Variants in MTOR observed in about 807,000 individuals in gnomAD.
MTOR encodes the protein mechanistic target of rapamycin kinase, also known as serine/threonine-protein kinase mTOR.
In MTOR, 70 loss-of-function variants were observed where a neutral mutation model predicts 319.8. That is an observed-to-expected ratio of 0.22 (90% CI 0.18 to 0.27). The LOEUF is 0.27. MTOR is among the 10% of genes least tolerant of loss of function. The probability of loss-of-function intolerance (pLI) is 1.00; values close to 1 mark genes in which losing one functional copy is unlikely to be tolerated. For synonymous variants in MTOR, 1,183 were observed against 1,211.4 expected, an observed-to-expected ratio of 0.98 and a Z score of 0.49; for missense variants, 1,890 against 3,274.4, an observed-to-expected ratio of 0.58 and a Z score of 10.32.
Position 11,199,440 on chromosome 1 carries a change from G to C in MTOR, c.4108-37C>G, listed in dbSNP as rs1459700856. On this transcript the variant is annotated intron_variant, in intron 27 of 57. Coordinates refer to ENST00000361445, the MANE Select transcript of MTOR (RefSeq NM_004958.4). This position sits in a 1 kb window ranked among gnomAD's most constrained non-coding sequence, Gnocchi z 4.5. ...CAAAACCTCACAGCACAGGAAAATGGCAGATGGGGCACAAACAAGAGAAGG... is the reference window on the plus strand; with the variant it reads ...CAAAACCTCACAGCACAGGAAAATGCCAGATGGGGCACAAACAAGAGAAGG... 1 of 1,614,092 alleles carries C rather than the reference G, an allele frequency of 6.2e-7. No individual in the cohort carries two copies. The highest frequency in any genetic ancestry group is 1.3e-5 in the African/African-American group (1 of 75,032).
intron 20 of MTOR, 134 bp from the exon 21 acceptor site, chr1:11,213,700 T>C: frequency 1.3e-6 from 1 of 774,220 alleles, no homozygotes; most frequent in Non-Finnish European, 2.1e-6. Context: ...CTCACTCCCC[T>C]CCTCCCACTG....
At chr1:11,139,491 T>C (rs1643585701) in intron 35 of MTOR, 42 bp downstream of exon 35, 3 of 1,613,956 alleles carry the variant, frequency 1.9e-6, no homozygotes, top group East Asian at 2.2e-5. Context: ...AGGGACACCA[T>C]GGGGCCCTAC....
chr1:11,208,247 C>T (rs919135336), intron 25 of MTOR, among the ~76,000 whole-genome samples: 1 of 152,250 alleles, frequency 6.6e-6, no homozygotes, highest in Non-Finnish European at 1.5e-5. Flanking sequence ...AGAGGGAAAG[C>T]AGCATCACTC....
intron 28 of MTOR, among the ~76,000 whole-genome samples, chr1:11,185,211 C>T (rs1479445017): frequency 6.6e-6 from 1 of 151,548 alleles, no homozygotes; most frequent in Non-Finnish European, 1.5e-5. Flanking sequence ...TGAGTGGAGG[C>T]TAACAGAGCT....
At chr1:11,114,185 G>A (rs1003387044) in intron 53 of MTOR, 133 bp downstream of exon 53, 5 of 1,033,374 alleles carry the variant, frequency 4.8e-6, no homozygotes, top group Non-Finnish European at 7.0e-6. Context: ...TTGCAGAAAG[G>A]GGTCTTACTA....
Position 11,115,554 on chromosome 1 carries a change from G to A in MTOR, c.7017-86C>T. 1 of 1,346,874 alleles carries A rather than the reference G, an allele frequency of 7.4e-7. No homozygotes were observed. Among genetic ancestry groups the A allele is most frequent in the South Asian group, 1.2e-5 (1 of 84,532 alleles). The allele number at this position is 1,346,874 out of a possible 1,614,324, so 83.4% of individuals were successfully genotyped here. A position where few individuals can be genotyped will look rare whatever the true frequency, so the allele number is the denominator to read the frequency against. On this transcript the variant is annotated intron_variant, in intron 50 of 57. Transcript: ENST00000361445. This position sits in a 1 kb window ranked among gnomAD's most constrained non-coding sequence, Gnocchi z 4.5. ...ATAAGTACGTGATACTGTAAGCTAGGAGTTGGCAAACGATAGCCCTCAGCC... is the reference window on the plus strand; with the variant it reads ...ATAAGTACGTGATACTGTAAGCTAGAAGTTGGCAAACGATAGCCCTCAGCC...
At chr1:11,146,088 A>G (rs1358372956) in intron 32 of MTOR, among the ~76,000 whole-genome samples, 3 of 151,922 alleles carry the variant, frequency 2.0e-5, no homozygotes, top group South Asian at 2.1e-4. Context: ...ATCAATTAAA[A>G]ACCCCTCATG....
At chr1:11,163,464 A>C (rs1162450959) in intron 29 of MTOR, among the ~76,000 whole-genome samples, 1 of 152,208 alleles carries the variant, frequency 6.6e-6, no homozygotes, top group Non-Finnish European at 1.5e-5. Flanking sequence ...CTCCACCCCA[A>C]ATCAACAGAA....
At chr1:11,165,632 A>G (rs1295491542) in intron 29 of MTOR, among the ~76,000 whole-genome samples, 1 of 152,180 alleles carries the variant, frequency 6.6e-6, no homozygotes, top group Non-Finnish European at 1.5e-5. Flanking sequence ...ATGCTCATGG[A>G]TAGGAAGAAT....
At chr1:11,250,025 G>A (rs1377377969) in intron 6 of MTOR, among the ~76,000 whole-genome samples, 54 of 130,794 alleles carry the variant, frequency 4.1e-4, no homozygotes, top group African/African-American at 1.5e-3. Context: ...CCTCCCGGAC[G>A]GGGTGGCTGG....
rs529546542 is a variant in MTOR at position 11,133,170 on chromosome 1, C to T, written c.5274G>A (p.Gln1758=). ...ARCFLKLGEW[Q]LNLQGINEST... ...TCTCATTGATGCCCTGTAGATTCAG[C>T]TGCCACTCTCCAAGTTTCAGGAAGC... Residue 1758 remains glutamine (Q), a synonymous_variant, in exon 38 of 58, where the codon CAG becomes CAA. Transcript: ENST00000361445. The surrounding 1 kb of genome is among the most constrained non-coding windows in gnomAD (Gnocchi z 4.0). The T allele has an allele frequency of 8.5e-5, 137 of 1,614,182 alleles. No homozygotes were observed. In the South Asian group the frequency reaches 1.4e-3, roughly 17 times the overall value.
intron 47 of MTOR, among the ~76,000 whole-genome samples, chr1:11,123,570 A>G (rs1642657224): frequency 6.6e-6 from 1 of 151,914 alleles, no homozygotes; most frequent in African/African-American, 2.4e-5. Context: ...CTGGGCTAAG[A>G]TGATTCTTCT....
At position 11,129,024 on chromosome 1, in the gene MTOR, G is replaced by T. The variant is rs1056174042; in HGVS notation, c.5715-73C>A. The T allele has an allele frequency of 1.6e-6, 2 of 1,288,196 alleles. No homozygotes were observed. The highest frequency in any genetic ancestry group is 2.2e-6 in the Non-Finnish European group (2 of 907,802). 79.8% of individuals were successfully genotyped at this position (1,288,196 alleles called of 1,614,324 possible). On this transcript the variant is annotated intron_variant, in intron 40 of 57. Coordinates refer to ENST00000361445, the MANE Select transcript of MTOR (RefSeq NM_004958.4). This position sits in a 1 kb window ranked among gnomAD's most constrained non-coding sequence, Gnocchi z 4.7. Reference sequence around the variant, plus strand: ...TGCCTGCCTGTTTTTCATCTCTAAGGCTCCTGAGAAGAGAGCTGGCAGGGA... The same window carrying T: ...TGCCTGCCTGTTTTTCATCTCTAAGTCTCCTGAGAAGAGAGCTGGCAGGGA...
chr1:11,127,258 A>G lies in MTOR; in HGVS notation c.6217-114T>C, dbSNP rs560669318. ...CAGGAGCCCGCTGTGGCCTGAAAAC[A>G]CTGGCAGGGGGCTGGAGAAAGCAAG... On this transcript the variant is annotated intron_variant, in intron 44 of 57. Coordinates refer to ENST00000361445, the MANE Select transcript of MTOR (RefSeq NM_004958.4). This position sits in a 1 kb window ranked among gnomAD's most constrained non-coding sequence, Gnocchi z 5.5. 9.8e-5 allele frequency: 141 copies of G among 1,438,490 alleles called. No individual in the cohort carries two copies. The highest frequency in any genetic ancestry group is 1.3e-4 in the Non-Finnish European group (134 of 1,060,252). 89.1% of individuals were successfully genotyped at this position (1,438,490 alleles called of 1,614,324 possible).
chr1:11,229,520 A>C (rs932082644), intron 18 of MTOR, among the ~76,000 whole-genome samples: 1 of 152,230 alleles, frequency 6.6e-6, no homozygotes, highest in Admixed American at 6.5e-5. Context: ...CACCAGGAGC[A>C]GCATGGCTCA....
rs79942701 is a variant in MTOR, at chr1:11,238,526, G to A, written c.1878C>T (p.Cys626=). The change falls in exon 12 of 58, where the codon TGC becomes TGT. Residue 626 remains cysteine (C), a synonymous_variant. Transcript: ENST00000361445. ...KEIRMEAART[C]SRLLTPSIHL... Reference sequence around the variant, plus strand: ...GGATGGAGGGTGTGAGCAGGCGGGAGCAGGTGCGGGCAGCCTCCATGCGGA... The same window carrying A: ...GGATGGAGGGTGTGAGCAGGCGGGAACAGGTGCGGGCAGCCTCCATGCGGA... 3,183 of 1,614,206 alleles carry A rather than the reference G, an allele frequency of 2.0e-3. 64 individuals carry two copies. The African/African-American group carries it at 0.038, about 19-fold the overall frequency.
chr1:11,211,186 A>G (rs1174970627), intron 23 of MTOR, among the ~76,000 whole-genome samples: 1 of 152,206 alleles, frequency 6.6e-6, no homozygotes, highest in Non-Finnish European at 1.5e-5. Context: ...TAAAAATATT[A>G]AGTCAGATCT....
At position 11,234,223 on chromosome 1, in the gene MTOR, C is replaced by G; in HGVS notation, c.2251G>C (p.Glu751Gln). Residue 751 changes from glutamate to glutamine, a missense_variant, in exon 14 of 58, where the codon GAG becomes CAG. Physicochemically the swap from Glu to Gln is conservative, Grantham distance 29. Coordinates refer to ENST00000361445, the MANE Select transcript of MTOR (RefSeq NM_004958.4). ...LEHSGIGRIK[E>Q]QSARMLGHLV... ...TGCCCCAGCATGCGGGCACTCTGCT[C>G]TTTGATTCTTCCAATCCCACTGTGC... 1.2e-6 allele frequency: 2 copies of G among 1,614,064 alleles called. No individual in the cohort carries two copies. The highest frequency in any genetic ancestry group is 1.7e-6 in the Non-Finnish European group (2 of 1,179,984).
At chr1:11,254,490 C>T (rs987050539) in intron 5 of MTOR, among the ~76,000 whole-genome samples, 2 of 152,116 alleles carry the variant, frequency 1.3e-5, no homozygotes, top group Non-Finnish European at 2.9e-5. Flanking sequence ...ATCATCATCC[C>T]TATTTAACAG....
Sources: allele counts gnomAD v4.1 joint callset (sites outside exome capture counted in the v4.1 genomes callset), GRCh38; gene constraint gnomAD v4.1.1; non-coding constraint Gnocchi (gnomAD v3.1); transcripts MANE v1.5; gene names NCBI Gene and HGNC (gene_info 2026-07-23, HGNC 2026-07-21).